The following KMT2C variants were observed in gnomAD, a reference collection of about 807,000 sequenced individuals.
The protein encoded by KMT2C is lysine methyltransferase 2C, also known as histone-lysine N-methyltransferase 2C.
Under a neutral mutation model 507.9 loss-of-function variants are expected in KMT2C, and 88 were observed. The ratio of observed to expected loss-of-function variants is 0.17; its 90% CI spans 0.15 to 0.21. The LOEUF is 0.21. Among genes scored for constraint, KMT2C ranks in the 10% least tolerant of loss-of-function variants. The pLI is 1.00. For missense variants in KMT2C, 4,954 were observed against 5,957.8 expected (o/e 0.83, Z 5.55); for synonymous variants, 2,049 against 2,080.8 (o/e 0.98, Z 0.42).
In KMT2C at chr7:152,423,133, G is replaced by C. The variant is rs544805862; in HGVS notation, c.161+12493C>G. On this transcript the variant is annotated intron_variant, in intron 1 of 58. Transcript: ENST00000262189. ...AAGCAGGTGGATCACCAGAGGTCAG[G>C]AGTTCGTACCAACCTGACCAACATG... Among the ~76,000 whole-genome samples, 460 of 152,178 alleles carry C rather than the reference G, an allele frequency of 3.0e-3. 2 individuals are homozygous for C. Among genetic ancestry groups the C allele is most frequent in the African/African-American group, 0.01 (435 of 41,506 alleles).
At chr7:152,372,737 A>G (rs2097301663) in intron 1 of KMT2C, among the ~76,000 whole-genome samples, 1 of 152,186 alleles carries the variant, frequency 6.6e-6, no homozygotes, top group Non-Finnish European at 1.5e-5. Flanking sequence ...CAATAGAACT[A>G]AAGGGGGAAA....
intron 6 of KMT2C, among the ~76,000 whole-genome samples, chr7:152,299,584 G>T (rs1021227196): frequency 2.0e-5 from 3 of 151,932 alleles, no homozygotes; most frequent in Non-Finnish European, 4.4e-5. Context: ...AGCAGGTCAA[G>T]GCTGCAGTAA....
chr7:152,149,095 G>A lies in KMT2C; in HGVS notation c.12832C>T (p.His4278Tyr). The change falls in exon 52 of 59, where the codon CAT (histidine) becomes TAT (tyrosine). Residue 4278 changes from histidine (H) to tyrosine (Y), a missense_variant. Around this residue, in one of 29 missense-constraint regions of KMT2C, gnomAD observed 417 missense variants for 461.1 expected, o/e 0.90. Transcript: ENST00000262189. ...GTGGAGATGTTGTTGCTGTACTGAT[G>A]AAATGCTTTGGAAGGCGTTTCTCTC... ...PMRETPSKAFHQYSNNISTLD... is the reference protein window; with the variant it reads ...PMRETPSKAFYQYSNNISTLD... The A allele has an allele frequency of 6.7e-7, 1 of 1,503,478 alleles. No homozygotes were observed. Among genetic ancestry groups the A allele is most frequent in the Non-Finnish European group, 8.9e-7 (1 of 1,128,424 alleles). 93.1% of individuals were successfully genotyped at this position (1,503,478 alleles called of 1,614,324 possible). A position where few individuals can be genotyped will look rare whatever the true frequency, so the allele number is the denominator to read the frequency against.
chr7:152,377,505 C>T (rs2097338176), intron 1 of KMT2C, among the ~76,000 whole-genome samples: 1 of 152,198 alleles, frequency 6.6e-6, no homozygotes, highest in African/African-American at 2.4e-5. Context: ...GATGCCAAGG[C>T]AGGCGGATCA....
At chr7:152,313,188 C>A (rs1016524160) in intron 4 of KMT2C, among the ~76,000 whole-genome samples, 11 of 151,598 alleles carry the variant, frequency 7.3e-5, no homozygotes, top group Non-Finnish European at 1.3e-4. Flanking sequence ...AGTATAATCT[C>A]TATTCCTACA....
intron 33 of KMT2C, among the ~76,000 whole-genome samples, 172 bp downstream of exon 33, chr7:152,187,090 G>C (rs996875845): frequency 6.6e-6 from 1 of 152,036 alleles, no homozygotes; most frequent in Admixed American, 6.6e-5. Context: ...TGGATGCAGG[G>C]TCTAGGACAA....
chr7:152,213,750 TAAAA>T (rs922863914), intron 23 of KMT2C, among the ~76,000 whole-genome samples: 1 of 76,312 alleles, frequency 1.3e-5, no homozygotes, highest in African/African-American at 4.7e-5. Flanking sequence ...TGCATAGCAA[TAAAA>T]AAAAAAAAAA....
At chr7:152,199,836 G>A (rs561634888) in intron 26 of KMT2C, among the ~76,000 whole-genome samples, 1 of 152,206 alleles carries the variant, frequency 6.6e-6, no homozygotes, top group Admixed American at 6.5e-5. Flanking sequence ...AGGTAGATTT[G>A]TAATCTATTG....
At position 152,183,065 on chromosome 7, in the gene KMT2C, A is replaced by G; in HGVS notation, c.5174T>C (p.Ile1725Thr). The G allele has an allele frequency of 6.2e-7, 1 of 1,613,248 alleles. No homozygotes were observed. Among genetic ancestry groups the G allele is most frequent in the African/African-American group, 1.3e-5 (1 of 74,998 alleles). The change falls in exon 35 of 59, where the codon ATT becomes ACT. Residue 1725 changes from isoleucine (I) to threonine (T), a missense_variant. Ile to Thr is a moderately conservative substitution (Grantham distance 89). Around this residue, in one of 29 missense-constraint regions of KMT2C, gnomAD observed 58 missense variants for 63.3 expected, o/e 0.92. Transcript: ENST00000262189. ...SMKRQQQQDSIDPSSRIDSEL... is the reference protein window; with the variant it reads ...SMKRQQQQDSTDPSSRIDSEL... The stretch of plus-strand genomic sequence containing the variant: ...CGAATCAATACGAGAGCTGGGATCA[A>G]TGCTATCTTGCTGTTGCTGCCTTTT...
chr7:152,248,693 A>C (rs2095515892), intron 13 of KMT2C, 73 bp from the exon 14 acceptor site: 1 of 847,808 alleles, frequency 1.2e-6, no homozygotes, highest in Non-Finnish European at 1.8e-6. Flanking sequence ...GATATATAAA[A>C]CATTTGGCTA....
intron 44 of KMT2C, chr7:152,157,801 A>G (rs1413027089): frequency 7.6e-7 from 1 of 1,318,756 alleles, no homozygotes; most frequent in Non-Finnish European, 9.9e-7. Context: ...AACCCCTTCC[A>G]GGGTAGCACT....
rs1173057703 is a variant in KMT2C at position 152,163,628 on chromosome 7, T to G, written c.9949A>C (p.Thr3317Pro). Residue 3317 changes from threonine (T) to proline (P), a missense_variant, in exon 43 of 59, where the codon ACA becomes CCA. Physicochemically the swap from Thr to Pro is conservative, Grantham distance 38 (BLOSUM62 -1). This residue lies in a region of KMT2C where 801 missense variants were observed against 751.2 expected (regional missense o/e 1.07). Coordinates refer to ENST00000262189, the MANE Select transcript of KMT2C (RefSeq NM_170606.3). ...CTAGTATGGCCAGAAATAACTGTTG[T>G]GTGCTGCTGGTGCTGAAGCTGCTGT... ...VPQQLQHQQH[T>P]TVISGHTSPV... 1.2e-6 allele frequency: 2 copies of G among 1,611,150 alleles called. No homozygotes were observed. The highest frequency in any genetic ancestry group is 1.7e-6 in the Non-Finnish European group (2 of 1,178,354).
rs1429881278 is a variant in KMT2C at position 152,235,944 on chromosome 7, G to C, written c.2653-11C>G. 1 of 1,588,884 alleles carries C rather than the reference G, an allele frequency of 6.3e-7. No individual in the cohort carries two copies. Among genetic ancestry groups the C allele is most frequent in the Non-Finnish European group, 8.6e-7 (1 of 1,161,892 alleles). On this transcript the variant is annotated splice_polypyrimidine_tract_variant and intron_variant, in intron 15 of 58. Coordinates refer to ENST00000262189, the MANE Select transcript of KMT2C (RefSeq NM_170606.3). ...TCCAGACCCACGGCCCTATGTAACA[G>C]ATTGGGAAAAGTCAACATTCTGTGA...
intron 14 of KMT2C, among the ~76,000 whole-genome samples, chr7:152,242,605 G>C (rs1261476532): frequency 1.3e-5 from 2 of 152,152 alleles, no homozygotes; most frequent in Admixed American, 1.3e-4. Context: ...TTAGCATTAA[G>C]TTTCTTTCTG....
intron 27 of KMT2C, among the ~76,000 whole-genome samples, chr7:152,196,751 C>CCA (rs1389177122): frequency 6.6e-6 from 1 of 151,992 alleles, no homozygotes; most frequent in Non-Finnish European, 1.5e-5. Context: ...TCTATGAAGA[C>CCA]CTTTAGGAGA....
Position 152,182,024 on chromosome 7 carries a change from G to A in KMT2C, c.5836C>T (p.Pro1946Ser), listed in dbSNP as rs1563290134. The A allele has an allele frequency of 3.7e-6, 6 of 1,614,130 alleles. No homozygotes were observed. Among genetic ancestry groups the A allele is most frequent in the Non-Finnish European group, 4.2e-6 (5 of 1,179,996 alleles). ...GAACATAAATCTCTGACAGGGGATG[G>A]CCTATTTGCTGTTGTCTCATTCATT... The part of the protein sequence containing the change: ...LQMNETTANR[P>S]SPVRDLCSSS... Residue 1946 changes from proline to serine, a missense_variant, in exon 36 of 59, where the codon CCA (proline) becomes TCA (serine). Transcript: ENST00000262189.
chr7:152,168,129 T>C (rs888875775), intron 41 of KMT2C, among the ~76,000 whole-genome samples: 2 of 152,098 alleles, frequency 1.3e-5, no homozygotes, highest in Non-Finnish European at 2.9e-5. Context: ...CTTTACTTCA[T>C]TGATACCCAG....
intron 2 of KMT2C, among the ~76,000 whole-genome samples, chr7:152,346,790 C>A (rs1012977624): frequency 6.6e-6 from 1 of 152,028 alleles, no homozygotes; most frequent in African/African-American, 2.4e-5. Flanking sequence ...TATTATATAC[C>A]GTATTCTTAC....
chr7:152,285,498 AAATTT>A (rs2096281534), intron 6 of KMT2C, among the ~76,000 whole-genome samples: 3 of 152,276 alleles, frequency 2.0e-5, no homozygotes, highest in Admixed American at 6.5e-5. Flanking sequence ...TCTCACACAT[AAATTT>A]ATTTATTTAT....
Sources: allele counts gnomAD v4.1 joint callset (sites outside exome capture counted in the v4.1 genomes callset), GRCh38; gene constraint gnomAD v4.1.1; regional missense constraint gnomAD v4.1.1; transcripts MANE v1.5; gene names NCBI Gene and HGNC (gene_info 2026-07-23, HGNC 2026-07-21).